The following LILRA2 variants were observed in gnomAD, a reference collection of about 807,000 sequenced individuals.
LILRA2 encodes the protein leukocyte immunoglobulin like receptor A2, also known as leukocyte immunoglobulin-like receptor subfamily A member 2.
In LILRA2, 45 loss-of-function variants were observed where a neutral mutation model predicts 47.9. The observed-to-expected ratio is 0.94, with a 90% CI of 0.74 to 1.20. The LOEUF (loss-of-function observed/expected upper bound fraction) is 1.20. Among genes scored for constraint, LILRA2 ranks in the 50% most tolerant of loss-of-function variants. The pLI, the probability that LILRA2 is intolerant of heterozygous loss-of-function variation, is 0.00. For synonymous variants in LILRA2, 279 were observed against 249.2 expected (o/e 1.12, Z -1.13); for missense variants, 651 against 598.2 (o/e 1.09, Z -0.92).
rs2062872116 is a variant in LILRA2 at position 54,588,595 on chromosome 19, G to T, written c.*1249G>T. On this transcript the variant is annotated 3_prime_UTR_variant, in exon 8 of 8. Transcript: ENST00000391738. ...CCCTCCAGCCTGGGCGACAGAGCAA[G>T]ACTCCGTCTCAAAAAAAAAAAAAAA... The T allele has an allele frequency of 1.4e-5, 2 of 144,094 alleles. No homozygotes were observed. The highest frequency in any genetic ancestry group is 4.5e-4 in the South Asian group (2 of 4,428). The allele number at this position is 144,094 out of a possible 1,614,324, so 8.9% of individuals were successfully genotyped here.
rs551121684 is a variant in LILRA2 at position 54,584,244 on chromosome 19, T to C, written c.1256-2766T>C. 4.7e-4 allele frequency among the ~76,000 whole-genome samples: 71 copies of C among 152,298 alleles called. 2 individuals carry two copies. In the South Asian group the frequency reaches 0.012, roughly 26 times the overall value. On this transcript the variant is annotated intron_variant, in intron 6 of 7. Coordinates refer to ENST00000391738, the MANE Select transcript of LILRA2 (RefSeq NM_001130917.3). Reference sequence around the variant, plus strand: ...TCAACCTTGGTGAATCTGATAATTATGTGTCTTTGGGTTGCTCTTCTCAAG... The same window carrying C: ...TCAACCTTGGTGAATCTGATAATTACGTGTCTTTGGGTTGCTCTTCTCAAG...
At chr19:54,575,630 G>T in intron 5 of LILRA2, 78 bp downstream of exon 5, 2 of 1,584,568 alleles carry the variant, frequency 1.3e-6, no homozygotes, top group East Asian at 2.2e-5. Flanking sequence ...GGTGATGGCC[G>T]GAATGAGGGT....
chr19:54,576,849 T>G (rs1393258201), intron 6 of LILRA2, among the ~76,000 whole-genome samples: 1 of 152,278 alleles, frequency 6.6e-6, no homozygotes, highest in Non-Finnish European at 1.5e-5. Context: ...AGCCTCTCCT[T>G]GGGAGGTGGA....
chr19:54,581,971 G>C (rs892864951), intron 6 of LILRA2, among the ~76,000 whole-genome samples: 3 of 152,176 alleles, frequency 2.0e-5, no homozygotes, highest in African/African-American at 7.2e-5. Flanking sequence ...TTTATTGAGA[G>C]TTTTTAGCAT....
At chr19:54,577,536 G>A in intron 6 of LILRA2, 1 of 1,289,768 alleles carries the variant, frequency 7.8e-7, no homozygotes. Context: ...AGAGGAGGCT[G>A]CTTGGGCCTC....
In LILRA2 at chr19:54,587,594, C is replaced by A; in HGVS notation, c.*248C>A. The A allele has an allele frequency of 1.5e-6, 1 of 651,772 alleles. No individual in the cohort carries two copies. Among genetic ancestry groups the A allele is most frequent in the East Asian group, 2.9e-5 (1 of 34,466 alleles). 40.4% of individuals were successfully genotyped at this position (651,772 alleles called of 1,614,324 possible). ...TCCCTTGACTGGATCCCCTTTTTTT[C>A]CCATCCCCAGACATGAGGCTCCATC... is the stretch of plus-strand genomic sequence containing the variant. On this transcript the variant is annotated 3_prime_UTR_variant, in exon 8 of 8. Transcript: ENST00000391738.
rs137989250 is a variant in LILRA2, at chr19:54,574,517, A to T, written c.287A>T (p.His96Leu). 1 of 1,488,280 alleles carries T rather than the reference A, an allele frequency of 6.7e-7. No individual in the cohort carries two copies. Among genetic ancestry groups the T allele is most frequent in the African/African-American group, 1.4e-5 (1 of 73,276 alleles). The allele number at this position is 1,488,280 out of a possible 1,614,324, so 92.2% of individuals were successfully genotyped here. A position where few individuals can be genotyped will look rare whatever the true frequency, so the allele number is the denominator to read the frequency against. The change falls in exon 3 of 8, where the codon CAC becomes CTC. Residue 96 changes from histidine to leucine, a missense_variant. Physicochemically the swap from His to Leu is moderately conservative, Grantham distance 99. Coordinates refer to ENST00000391738, the MANE Select transcript of LILRA2 (RefSeq NM_001130917.3). ...SITWEHAGRY[H>L]CQYYSHNHSS... ...ACCTGGGAACACGCAGGGCGGTATC[A>T]CTGTCAGTACTACAGCCACAATCAC...
In LILRA2 at chr19:54,576,881, C is replaced by T. The variant is rs563031195; in HGVS notation, c.1255+772C>T. Among the ~76,000 whole-genome samples, 34 of 152,386 alleles carry T rather than the reference C, an allele frequency of 2.2e-4. No homozygotes were observed. In the South Asian group the frequency reaches 6.8e-3, roughly 31 times the overall value. Reference sequence around the variant, plus strand: ...TGGAACTTCTGAAAGAGCCCATTCCCCTTGCACCCTGGACTCCTCATCTGA... The same window carrying T: ...TGGAACTTCTGAAAGAGCCCATTCCTCTTGCACCCTGGACTCCTCATCTGA... On this transcript the variant is annotated intron_variant, in intron 6 of 7. Transcript: ENST00000391738.
At chr19:54,577,687 A>C in intron 6 of LILRA2, 1 of 1,285,364 alleles carries the variant, frequency 7.8e-7, no homozygotes, top group African/African-American at 1.5e-5. Context: ...CCCTGAGAAT[A>C]AGGAGGGGCC....
chr19:54,575,162 G>C lies in LILRA2; in HGVS notation c.656-94G>C, dbSNP rs926032214. The stretch of plus-strand genomic sequence containing the variant: ...GGGGCGAGAGGGCTCAGGGCTCCTG[G>C]GGCCGGAGACACAGGAAGATCAGCG... On this transcript the variant is annotated intron_variant, in intron 4 of 7. Coordinates refer to ENST00000391738, the MANE Select transcript of LILRA2 (RefSeq NM_001130917.3). 9.0e-6 allele frequency: 14 copies of C among 1,549,230 alleles called. No individual in the cohort carries two copies. In the Admixed American group the frequency reaches 1.1e-4, roughly 13 times the overall value.
At chr19:54,573,607 A>G, upstream of LILRA2, 2 of 793,636 alleles carry the variant, frequency 2.5e-6, no homozygotes, top group East Asian at 5.3e-5. Flanking sequence ...GGAGATGAGG[A>G]TAAACCAGAC....
intron 1 of LILRA2, 75 bp downstream of exon 1, chr19:54,573,987 G>A: frequency 6.2e-7 from 1 of 1,613,352 alleles, no homozygotes; most frequent in Non-Finnish European, 8.5e-7. Context: ...GGTCCCTAAG[G>A]AGACCCCAGG....
chr19:54,584,721 G>A (rs576414407), intron 6 of LILRA2, among the ~76,000 whole-genome samples: 95 of 152,258 alleles, frequency 6.2e-4, no homozygotes, highest in Non-Finnish European at 1.2e-3. Context: ...GTTAGAACAT[G>A]CTTCTTTAGC....
intron 5 of LILRA2, 60 bp downstream of exon 5, chr19:54,575,612 G>C: frequency 2.5e-6 from 4 of 1,591,270 alleles, no homozygotes; most frequent in South Asian, 2.3e-5. Context: ...TGCCAGGGGA[G>C]CCCAGGTGGT....
chr19:54,585,446 C>T (rs979722289), intron 6 of LILRA2, among the ~76,000 whole-genome samples: 9 of 152,216 alleles, frequency 5.9e-5, no homozygotes, highest in East Asian at 1.9e-4. Flanking sequence ...CCACCCAGTT[C>T]GTGCTTCCAG....
Position 54,577,067 on chromosome 19 carries a change from A to AAAAAAAAG in LILRA2, c.1255+958_1255+959insAAAAAAAG, listed in dbSNP as rs1405874487. Among the ~76,000 whole-genome samples, 25 of 115,558 alleles carry AAAAAAAAG rather than the reference A, an allele frequency of 2.2e-4. No individual in the cohort carries two copies. The South Asian group carries it at 5.7e-3, about 26-fold the overall frequency. 75.8% of individuals were successfully genotyped at this position (115,558 alleles called of 152,430 possible). A position where few individuals can be genotyped will look rare whatever the true frequency, so the allele number is the denominator to read the frequency against. On this transcript the variant is annotated intron_variant, in intron 6 of 7. Coordinates refer to ENST00000391738, the MANE Select transcript of LILRA2 (RefSeq NM_001130917.3). ...ACTGAGACTTGTTAAGAGTTAAAAAACCAACGGAGATGGGGGCAGGTGCAT... is the reference window on the plus strand; with the variant it reads ...ACTGAGACTTGTTAAGAGTTAAAAAAAAAAAAAGCCAACGGAGATGGGGGCAGGTGCAT...
chr19:54,584,365 G>A (rs867648087), intron 6 of LILRA2, among the ~76,000 whole-genome samples: 2 of 152,194 alleles, frequency 1.3e-5, no homozygotes, highest in Admixed American at 6.5e-5. Flanking sequence ...TCTGAAGAGT[G>A]TTTTCTAACT....
At chr19:54,582,931 T>C (rs1051506185) in intron 6 of LILRA2, among the ~76,000 whole-genome samples, 1 of 152,224 alleles carries the variant, frequency 6.6e-6, no homozygotes, top group Non-Finnish European at 1.5e-5. Flanking sequence ...TAAATTTCCC[T>C]CTACACACTG....
At position 54,586,663 on chromosome 19, in the gene LILRA2, GT is replaced by G. The variant is rs749273251; in HGVS notation, c.1256-345del. ...GTCCTGCACCTGCTCCTTGCAGCCA[GT>G]TAGGGCTCAGAGAGGACACAGAGAG... is the stretch of plus-strand genomic sequence containing the variant. On this transcript the variant is annotated intron_variant, in intron 6 of 7. Transcript: ENST00000391738. 3.7e-3 allele frequency among the ~76,000 whole-genome samples: 558 copies of G among 152,266 alleles called. No individual in the cohort carries two copies. In the South Asian group the frequency reaches 0.073, roughly 20 times the overall value.
Sources: gnomAD v4.1 joint callset for allele counts (sites outside exome capture counted in the v4.1 genomes callset) on GRCh38, gnomAD v4.1.1 for gene constraint, MANE v1.5 for transcripts, NCBI Gene and HGNC (gene_info 2026-07-23, HGNC 2026-07-21) for gene names.